BCR: variants seen among roughly 807,000 people sequenced by gnomAD.
BCR encodes breakpoint cluster region protein.
A neutral mutation model predicts 138.6 loss-of-function variants in BCR; 58 were observed. The observed-to-expected ratio is 0.42, with a 90% CI of 0.34 to 0.52. The LOEUF is 0.52. BCR is among the 20% of genes least tolerant of loss of function. BCR has a pLI of 0.06. For missense variants in BCR, 1,599 were observed against 1,727.2 expected, an observed-to-expected ratio of 0.93 and a Z score of 1.32; for synonymous variants, 786 against 730.1, an observed-to-expected ratio of 1.08 and a Z score of -1.23.
intron 4 of BCR, chr22:23,262,904 G>A (rs944570496): frequency 1.8e-5 from 20 of 1,086,224 alleles, no homozygotes; most frequent in East Asian, 6.2e-5. Flanking sequence ...AGGCGGGAGC[G>A]AGGACACGCC....
intron 16 of BCR, among the ~76,000 whole-genome samples, chr22:23,298,627 A>G (rs1011847572): frequency 1.4e-5 from 2 of 144,820 alleles, no homozygotes. Flanking sequence ...TCGGAGTCTC[A>G]CTGTCTTGCC....
intron 20 of BCR, among the ~76,000 whole-genome samples, 196 bp downstream of exon 20, chr22:23,313,217 C>T (rs1339149989): frequency 6.6e-6 from 1 of 152,180 alleles, no homozygotes; most frequent in African/African-American, 2.4e-5. Flanking sequence ...CTAGAGGGCT[C>T]CCTGTCCCTA....
intron 16 of BCR, among the ~76,000 whole-genome samples, chr22:23,297,978 G>A (rs2073864593): frequency 6.6e-6 from 1 of 152,194 alleles, no homozygotes; most frequent in African/African-American, 2.4e-5. Flanking sequence ...CCCCATCCCG[G>A]GGAAGAGGAG....
chr22:23,313,575 G>A (rs1042724272), intron 20 of BCR, among the ~76,000 whole-genome samples: 2 of 152,140 alleles, frequency 1.3e-5, no homozygotes, highest in Non-Finnish European at 2.9e-5. Context: ...TGGTGGGGCT[G>A]GGACCCTCCC....
At chr22:23,283,938 C>G in intron 8 of BCR, 39 bp from the exon 9 acceptor site, 1 of 1,548,736 alleles carries the variant, frequency 6.5e-7, no homozygotes, top group Admixed American at 2.0e-5. Context: ...ACCCATCACC[C>G]CAGGCTGGCC....
At chr22:23,258,668 G>A (rs1568958747) in intron 2 of BCR, among the ~76,000 whole-genome samples, 2 of 152,174 alleles carry the variant, frequency 1.3e-5, no homozygotes, top group South Asian at 2.1e-4. Context: ...GCCACACCTC[G>A]GGGGAGAGGG....
intron 1 of BCR, among the ~76,000 whole-genome samples, chr22:23,204,800 G>T (rs181316120): frequency 6.6e-6 from 1 of 152,210 alleles, no homozygotes; most frequent in South Asian, 2.1e-4. Flanking sequence ...TGCCGTCCGC[G>T]TGGATGGGGG....
rs1425223732 is a variant in BCR, at chr22:23,268,453, G to A, written c.1798G>A (p.Val600Ile). The A allele has an allele frequency of 3.1e-6, 5 of 1,613,978 alleles. No individual in the cohort carries two copies. The highest frequency in any genetic ancestry group is 4.5e-5 in the East Asian group (2 of 44,868). The part of the protein sequence containing the change: ...VYRAFVDNYG[V>I]AMEMAEKCCQ... ...CCGGGCCTTCGTGGACAACTACGGA[G>A]TTGCCATGGAAATGGCTGAGAAGTG... Residue 600 changes from valine to isoleucine, a missense_variant, in exon 5 of 23, where the codon GTT (valine) becomes ATT (isoleucine). By Grantham distance (29) the Val-to-Ile change is conservative (BLOSUM62 3). Around this residue, in one of 4 missense-constraint regions of BCR, gnomAD observed 590 missense variants for 762.4 expected, o/e 0.77. Coordinates refer to ENST00000305877, the MANE Select transcript of BCR (RefSeq NM_004327.4).
intron 4 of BCR, chr22:23,263,737 G>C: frequency 7.0e-7 from 1 of 1,432,100 alleles, no homozygotes; most frequent in Non-Finnish European, 9.9e-7. Flanking sequence ...GGTGAACTGT[G>C]TGGATTGCAA....
chr22:23,201,319 G>A (rs992081918), intron 1 of BCR, among the ~76,000 whole-genome samples: 12 of 152,234 alleles, frequency 7.9e-5, no homozygotes, highest in Admixed American at 2.0e-4. Flanking sequence ...GTTGCTGGCA[G>A]TGCTTACCTC....
intron 1 of BCR, among the ~76,000 whole-genome samples, chr22:23,242,146 G>A (rs1003214868): frequency 4.6e-5 from 7 of 152,190 alleles, no homozygotes; most frequent in African/African-American, 1.7e-4. Context: ...CAGACAAGTG[G>A]CCGAAGCAAG....
At chr22:23,307,086 G>A (rs958401961) in intron 16 of BCR, among the ~76,000 whole-genome samples, 3 of 152,206 alleles carry the variant, frequency 2.0e-5, no homozygotes, top group African/African-American at 4.8e-5. Context: ...ATGTTTCTGT[G>A]TTTCCAGTTA....
intron 4 of BCR, among the ~76,000 whole-genome samples, chr22:23,268,154 C>G (rs1187241597): frequency 6.6e-6 from 1 of 152,178 alleles, no homozygotes; most frequent in Non-Finnish European, 1.5e-5. Flanking sequence ...ATAAGTAGCT[C>G]TGGAAGGGAA....
At chr22:23,287,045 T>G (rs756227013) in intron 10 of BCR, 114 bp from the exon 11 acceptor site, 60 of 1,519,220 alleles carry the variant, frequency 3.9e-5, no homozygotes, top group Non-Finnish European at 5.2e-5. Context: ...AGTGGAGAGA[T>G]GGGATTCTTG....
At chr22:23,303,331 G>A (rs781768398) in intron 16 of BCR, among the ~76,000 whole-genome samples, 6 of 152,124 alleles carry the variant, frequency 3.9e-5, no homozygotes, top group Admixed American at 6.5e-5. Flanking sequence ...GATGGGAGTC[G>A]GAGGAGGTAT....
chr22:23,209,125 C>T (rs2072651002), intron 1 of BCR, among the ~76,000 whole-genome samples: 2 of 152,006 alleles, frequency 1.3e-5, no homozygotes, highest in African/African-American at 2.4e-5. Flanking sequence ...TTTGGTAGGC[C>T]GAAGTGTGGA....
At chr22:23,224,655 G>C (rs547384147) in intron 1 of BCR, among the ~76,000 whole-genome samples, 171 of 152,304 alleles carry the variant, frequency 1.1e-3, no homozygotes, top group African/African-American at 3.9e-3. Context: ...GCCAAGGTGG[G>C]CGGATCACTT....
Position 23,181,399 on chromosome 22 carries a change from C to A in BCR, c.439C>A (p.Pro147Thr), listed in dbSNP as rs780645381. Residue 147 changes from proline to threonine, a missense_variant, in exon 1 of 23, where the codon CCC (proline) becomes ACC (threonine). Physicochemically the swap from Pro to Thr is conservative, Grantham distance 38. Transcript: ENST00000305877. ...GTCGGGGGAACGGGACGACCGGGGA[C>A]CCCCCGCCAGCGTGGCGGCGCTCAG... ...AASGERDDRG[P>T]PASVAALRSN... 1.3e-5 allele frequency: 20 copies of A among 1,560,430 alleles called. No homozygotes were observed. The South Asian group carries it at 2.4e-4, about 18-fold the overall frequency.
At chr22:23,255,778 A>C (rs2073287513) in intron 2 of BCR, among the ~76,000 whole-genome samples, 1 of 151,732 alleles carries the variant, frequency 6.6e-6, no homozygotes, top group South Asian at 2.1e-4. Context: ...TGGTCCCCCG[A>C]CCCCTGCTCC....
Sources: gnomAD v4.1 joint callset for allele counts (sites outside exome capture counted in the v4.1 genomes callset) on GRCh38, gnomAD v4.1.1 for gene constraint, gnomAD v4.1.1 regional missense constraint, MANE v1.5 for transcripts, NCBI Gene and HGNC (gene_info 2026-07-23, HGNC 2026-07-21) for gene names.